The following ZNF536 variants were observed in gnomAD, a reference collection of about 807,000 sequenced individuals.
The protein encoded by ZNF536 is zinc finger protein 536.
In ZNF536, 13 loss-of-function variants were observed where a neutral mutation model predicts 84.5. The ratio of observed to expected loss-of-function variants is 0.15; its 90% CI spans 0.10 to 0.24. ZNF536 has a LOEUF of 0.24. Ranked by LOEUF, ZNF536 falls within the 10% of genes least tolerant of loss-of-function variation. The pLI, the probability that ZNF536 is intolerant of heterozygous loss-of-function variation, is 1.00. For synonymous variants in ZNF536, 811 were observed against 742.5 expected (o/e 1.09, Z -1.50); for missense variants, 1,536 against 1,747.5 (o/e 0.88, Z 2.16).
intron 1 of ZNF536, among the ~76,000 whole-genome samples, chr19:30,605,521 T>C (rs895337309): frequency 6.6e-6 from 1 of 152,212 alleles, no homozygotes; most frequent in Non-Finnish European, 1.5e-5. Flanking sequence ...ATTGTTTCAT[T>C]CCTTTTCATA....
intron 1 of ZNF536, among the ~76,000 whole-genome samples, chr19:30,680,986 C>T (rs547684187): frequency 4.6e-5 from 7 of 152,300 alleles, no homozygotes; most frequent in Non-Finnish European, 7.4e-5. Context: ...TTTTGATCTG[C>T]ATTTCTCTGA....
At chr19:30,508,820 C>CTTTTTTTTTTTTTTTTTT (rs914349353) in intron 2 of ZNF536, among the ~76,000 whole-genome samples, 76 of 68,766 alleles carry the variant, frequency 1.1e-3, no homozygotes, top group Non-Finnish European at 1.5e-3. Flanking sequence ...TTCTTTCTTT[C>CTTTTTTTTTTTTTTTTTT]TTTTTTTTTT....
intron 1 of ZNF536, among the ~76,000 whole-genome samples, chr19:30,636,313 A>C (rs1227644827): frequency 2.0e-5 from 3 of 152,118 alleles, no homozygotes; most frequent in Non-Finnish European, 2.9e-5. Flanking sequence ...ATGGGTGATC[A>C]TCTCCCCCAT....
chr19:30,671,300 A>T (rs1347469793), intron 1 of ZNF536, among the ~76,000 whole-genome samples: 1 of 152,202 alleles, frequency 6.6e-6, no homozygotes, highest in Non-Finnish European at 1.5e-5. Flanking sequence ...TGCCCGTGAC[A>T]TAGTTGGGGG....
intron 1 of ZNF536, among the ~76,000 whole-genome samples, chr19:30,381,338 A>G (rs2049014840): frequency 6.6e-6 from 1 of 152,150 alleles, no homozygotes; most frequent in South Asian, 2.1e-4. Context: ...GGGAGAAGGC[A>G]GGGGTGGATA....
intron 1 of ZNF536, among the ~76,000 whole-genome samples, chr19:30,612,262 A>C (rs2048129069): frequency 6.6e-6 from 1 of 152,130 alleles, no homozygotes; most frequent in Non-Finnish European, 1.5e-5. Flanking sequence ...TGGTGGTAGG[A>C]TCTCCCCTGT....
intron 1 of ZNF536, among the ~76,000 whole-genome samples, chr19:30,608,745 AGG>A (rs1255406626): frequency 6.6e-6 from 1 of 152,208 alleles, no homozygotes; most frequent in Non-Finnish European, 1.5e-5. Flanking sequence ...ACTGATCATC[AGG>A]GTGAACTTAT....
At chr19:30,461,650 C>A (rs10460186) in intron 2 of ZNF536, among the ~76,000 whole-genome samples, 44,716 of 152,164 alleles carry the variant, frequency 0.29, 7,383 homozygotes, top group African/African-American at 0.45. Flanking sequence ...CTCTGAGGCC[C>A]CAGGAGCATG....
At chr19:30,250,876 T>G (rs150906832) in intron 1 of ZNF536, among the ~76,000 whole-genome samples, 2 of 151,706 alleles carry the variant, frequency 1.3e-5, no homozygotes, top group East Asian at 3.9e-4. Context: ...GGGACAGATA[T>G]CAAGTGTCAA....
intron 2 of ZNF536, among the ~76,000 whole-genome samples, chr19:30,286,544 GAGAA>G (rs56653819): frequency 0.18 from 26,397 of 144,850 alleles, 2,657 homozygotes; most frequent in East Asian, 0.54. Context: ...GAGAGAGAGA[GAGAA>G]AGAGAGAGAC....
At chr19:30,559,037 C>T (rs2046065290), downstream of ZNF536, among the ~76,000 whole-genome samples, 1 of 152,186 alleles carries the variant, frequency 6.6e-6, no homozygotes, top group African/African-American at 2.4e-5. Context: ...CTCATAAAAC[C>T]TTTTCAAGTG....
At chr19:30,227,175 G>T (rs1053875989), upstream of ZNF536, among the ~76,000 whole-genome samples, 1 of 152,048 alleles carries the variant, frequency 6.6e-6, no homozygotes, top group Non-Finnish European at 1.5e-5. Flanking sequence ...AAGAAAAAGG[G>T]CTGGGCAGAG....
At chr19:30,323,076 G>T (rs1183414503) in intron 2 of ZNF536, among the ~76,000 whole-genome samples, 1 of 152,028 alleles carries the variant, frequency 6.6e-6, no homozygotes. Flanking sequence ...CCTGAGCCCA[G>T]GACTAAGACT....
chr19:30,526,318 T>G (rs1048819575), intron 2 of ZNF536, among the ~76,000 whole-genome samples: 4 of 152,322 alleles, frequency 2.6e-5, no homozygotes, highest in Middle Eastern at 6.8e-3. Context: ...TGTGGCGGTC[T>G]GCGGATGACA....
chr19:30,399,764 T>C (rs2049972038), intron 1 of ZNF536, among the ~76,000 whole-genome samples: 1 of 147,700 alleles, frequency 6.8e-6, no homozygotes, highest in Non-Finnish European at 1.5e-5. Context: ...CTTGGCACAC[T>C]GCAATCTCCG....
chr19:30,512,303 C>T (rs537268559), intron 2 of ZNF536, among the ~76,000 whole-genome samples: 8 of 152,238 alleles, frequency 5.3e-5, no homozygotes, highest in African/African-American at 1.7e-4. Flanking sequence ...TCCCGAATGT[C>T]GTTTTCCTTA....
intron 1 of ZNF536, among the ~76,000 whole-genome samples, chr19:30,441,314 G>A (rs1232379243): frequency 6.6e-6 from 1 of 152,228 alleles, no homozygotes; most frequent in Non-Finnish European, 1.5e-5. Context: ...TGGCTTCAGG[G>A]TCATGATCCC....
At chr19:30,494,572 A>G (rs1298889985) in intron 2 of ZNF536, among the ~76,000 whole-genome samples, 1 of 152,152 alleles carries the variant, frequency 6.6e-6, no homozygotes, top group Non-Finnish European at 1.5e-5. Context: ...TGGGTGCCCC[A>G]TCCTGTCATC....
intron 2 of ZNF536, among the ~76,000 whole-genome samples, chr19:30,285,855 T>G (rs1016272970): frequency 2.0e-5 from 3 of 152,138 alleles, no homozygotes; most frequent in African/African-American, 7.2e-5. Flanking sequence ...TCAAAATAAC[T>G]CCAGAAATCA....
Sources: allele counts gnomAD v4.1 joint callset (sites outside exome capture counted in the v4.1 genomes callset), GRCh38; gene constraint gnomAD v4.1.1; transcripts MANE v1.5; gene names NCBI Gene and HGNC (gene_info 2026-07-23, HGNC 2026-07-21).